The following CHKA variants were observed in gnomAD, a reference collection of about 807,000 sequenced individuals.
CHKA encodes CHETK-alpha.
In CHKA, 34 loss-of-function variants were observed where a neutral mutation model predicts 60.1. The ratio of observed to expected loss-of-function variants is 0.57; its 90% CI spans 0.43 to 0.75. The LOEUF (loss-of-function observed/expected upper bound fraction) is 0.75, where lower values mean the gene tolerates loss of function less well. CHKA is among the 30% of genes least tolerant of loss of function. The pLI is 0.00. For synonymous variants in CHKA, 217 were observed against 223.1 expected (o/e 0.97, Z 0.24); for missense variants, 563 against 561.3 (o/e 1.00, Z -0.03).
At chr11:68,108,019 G>A (rs1200876953) in intron 1 of CHKA, among the ~76,000 whole-genome samples, 1 of 152,234 alleles carries the variant, frequency 6.6e-6, no homozygotes, top group East Asian at 1.9e-4. Flanking sequence ...CACTGACAGA[G>A]AATGGAGAGA....
At chr11:68,063,875 G>A (rs1236254312) in intron 10 of CHKA, among the ~76,000 whole-genome samples, 1 of 152,132 alleles carries the variant, frequency 6.6e-6, no homozygotes, top group Non-Finnish European at 1.5e-5. Context: ...TTTGCCTTCT[G>A]CTATGATTGT....
chr11:68,087,231 G>C (rs185674171), intron 2 of CHKA, among the ~76,000 whole-genome samples: 49 of 152,148 alleles, frequency 3.2e-4, no homozygotes, highest in Middle Eastern at 3.4e-3. Context: ...GGTAACCTTA[G>C]CACTTTGGGA....
intron 11 of CHKA, among the ~76,000 whole-genome samples, chr11:68,055,029 G>A (rs1298126355): frequency 6.6e-6 from 1 of 152,226 alleles, no homozygotes. Flanking sequence ...TCAGTACACG[G>A]ATCTGGCACT....
At chr11:68,065,314 G>C (rs753330456) in intron 9 of CHKA, among the ~76,000 whole-genome samples, 20 of 152,142 alleles carry the variant, frequency 1.3e-4, no homozygotes, top group Non-Finnish European at 2.8e-4. Flanking sequence ...TTTTTAATAA[G>C]CTGGACTAAA....
chr11:68,061,640 G>C, intron 11 of CHKA: 1 of 463,322 alleles, frequency 2.2e-6, no homozygotes, highest in African/African-American at 2.0e-5. Flanking sequence ...GCTGGACTTC[G>C]AGGGTGCAGA....
intron 11 of CHKA, among the ~76,000 whole-genome samples, chr11:68,056,558 A>G (rs1033144870): frequency 6.6e-6 from 1 of 152,244 alleles, no homozygotes; most frequent in Non-Finnish European, 1.5e-5. Flanking sequence ...AAAATGCCCA[A>G]GAGGACAGGG....
At chr11:68,056,789 C>T (rs1316959432) in intron 11 of CHKA, among the ~76,000 whole-genome samples, 3 of 151,970 alleles carry the variant, frequency 2.0e-5, no homozygotes, top group Non-Finnish European at 4.4e-5. Context: ...ACAAGAGGAT[C>T]GCTTGAGCCC....
chr11:68,062,130 G>T, intron 10 of CHKA, 96 bp from the exon 11 acceptor site: 1 of 877,018 alleles, frequency 1.1e-6, no homozygotes, highest in Non-Finnish European at 1.8e-6. Context: ...TTTAACTTGT[G>T]TGGATGCAAA....
Position 68,120,986 on chromosome 11 carries a change from C to T in CHKA, c.192G>A (p.Pro64=). The part of the protein sequence containing the change: ...PLALPPPPPL[P]LPLPLPQPPP... ...GGGGCTGGGGCAGCGGCAGCGGCAG[C>T]GGCAGCGGCGGCGGAGGGGGCAGCG... Residue 64 remains proline, a synonymous_variant, in exon 1 of 12, where the codon CCG becomes CCA. Transcript: ENST00000265689. The T allele has an allele frequency of 8.9e-7, 1 of 1,117,558 alleles. No homozygotes were observed. Among genetic ancestry groups the T allele is most frequent in the Non-Finnish European group, 1.1e-6 (1 of 914,890 alleles). 69.2% of individuals were successfully genotyped at this position (1,117,558 alleles called of 1,614,324 possible).
chr11:68,074,474 G>C (rs1590846654), intron 4 of CHKA, among the ~76,000 whole-genome samples: 1 of 152,152 alleles, frequency 6.6e-6, no homozygotes, highest in Non-Finnish European at 1.5e-5. Flanking sequence ...AGCCTCAGGG[G>C]ACAATAAAAT....
chr11:68,081,366 C>G, intron 3 of CHKA, 38 bp downstream of exon 3: 1 of 1,579,430 alleles, frequency 6.3e-7, no homozygotes. Flanking sequence ...AACACTAGTT[C>G]ACATCTCACA....
intron 10 of CHKA, 87 bp from the exon 11 acceptor site, chr11:68,062,121 T>G: frequency 5.3e-6 from 5 of 945,674 alleles, no homozygotes; most frequent in Non-Finnish European, 8.1e-6. Context: ...GATGGACATT[T>G]TAACTTGTGT....
At chr11:68,113,154 A>T (rs534806529) in intron 1 of CHKA, among the ~76,000 whole-genome samples, 1 of 150,702 alleles carries the variant, frequency 6.6e-6, no homozygotes, top group East Asian at 1.9e-4. Flanking sequence ...TTAAAATTTT[A>T]AAATGGGCAA....
At chr11:68,087,622 T>C (rs1426338286) in intron 2 of CHKA, among the ~76,000 whole-genome samples, 2 of 152,026 alleles carry the variant, frequency 1.3e-5, no homozygotes, top group Non-Finnish European at 2.9e-5. Flanking sequence ...CATTTTTTAA[T>C]AGAAAAAAAG....
chr11:68,054,448 C>T (rs1855927975), intron 11 of CHKA, among the ~76,000 whole-genome samples: 1 of 152,160 alleles, frequency 6.6e-6, no homozygotes, highest in Non-Finnish European at 1.5e-5. Context: ...GAGTCTAGAA[C>T]AGAAGGGGAG....
intron 1 of CHKA, among the ~76,000 whole-genome samples, chr11:68,117,293 T>C (rs2153033121): frequency 6.6e-6 from 1 of 152,270 alleles, no homozygotes; most frequent in Middle Eastern, 3.4e-3. Context: ...ACAAAGCTCA[T>C]TCAGAAAATG....
At chr11:68,099,214 T>C (rs1018562128) in intron 1 of CHKA, among the ~76,000 whole-genome samples, 42 of 152,364 alleles carry the variant, frequency 2.8e-4, no homozygotes, top group African/African-American at 7.7e-4. Context: ...AAGTTTCTTT[T>C]TGAAAGATGA....
intron 1 of CHKA, among the ~76,000 whole-genome samples, chr11:68,105,493 C>G (rs1429854833): frequency 9.0e-6 from 1 of 110,812 alleles, no homozygotes; most frequent in Non-Finnish European, 1.6e-5. Context: ...CCAGCCTGGG[C>G]AGCAGAGTGA....
Position 68,074,847 on chromosome 11 carries a change from C to A in CHKA, c.517-17G>T. 2 of 1,612,302 alleles carry A rather than the reference C, an allele frequency of 1.2e-6. No homozygotes were observed. The highest frequency in any genetic ancestry group is 1.7e-6 in the Non-Finnish European group (2 of 1,178,534). On this transcript the variant is annotated splice_polypyrimidine_tract_variant and intron_variant, in intron 3 of 11. Transcript: ENST00000265689. ...CTCAGCCCCCTAAAACAGATGGCAACAAATCAGGTGTTTACTGAGTGTTTG... is the reference window on the plus strand; with the variant it reads ...CTCAGCCCCCTAAAACAGATGGCAAAAAATCAGGTGTTTACTGAGTGTTTG...
Sources: allele counts gnomAD v4.1 joint callset (sites outside exome capture counted in the v4.1 genomes callset), GRCh38; gene constraint gnomAD v4.1.1; transcripts MANE v1.5; gene names NCBI Gene and HGNC (gene_info 2026-07-23, HGNC 2026-07-21).